The following SND1 variants were observed in gnomAD, a reference collection of about 807,000 sequenced individuals.
SND1 encodes the protein staphylococcal nuclease and tudor domain containing 1, also known as staphylococcal nuclease domain-containing protein 1.
In SND1, 38 loss-of-function variants were observed where a neutral mutation model predicts 121.7. That is an observed-to-expected ratio of 0.31 (90% CI 0.24 to 0.41). SND1 has a LOEUF of 0.41. Among genes scored for constraint, SND1 ranks in the 10% least tolerant of loss-of-function variants. The pLI is 1.00. For missense variants in SND1, 868 were observed against 1,184.6 expected (o/e 0.73, Z 3.92); for synonymous variants, 401 against 447.4 (o/e 0.90, Z 1.31).
rs1796126765 is a variant in SND1 at position 127,702,800 on chromosome 7, A to T, written c.681+274A>T. On this transcript the variant is annotated intron_variant, in intron 6 of 23. Transcript: ENST00000354725. ...AGAAATGGAACAATGAGAGGCTATG[A>T]AGTTTGCTGAATATGGCTTGCATTA... 2.6e-5 allele frequency among the ~76,000 whole-genome samples: 4 copies of T among 152,176 alleles called. No individual in the cohort carries two copies. The South Asian group carries it at 8.3e-4, about 32-fold the overall frequency.
chr7:127,760,513 G>A (rs1490342947), intron 10 of SND1, among the ~76,000 whole-genome samples: 1 of 152,220 alleles, frequency 6.6e-6, no homozygotes, highest in Non-Finnish European at 1.5e-5. Context: ...TAAGGGCAAA[G>A]TATTTTGTTT....
At chr7:127,922,838 T>C (rs1395909932) in intron 14 of SND1, among the ~76,000 whole-genome samples, 1 of 152,224 alleles carries the variant, frequency 6.6e-6, no homozygotes, top group Non-Finnish European at 1.5e-5. Flanking sequence ...CTCCTACAGA[T>C]GTCCAAATGT....
chr7:127,801,037 A>G (rs1324988096), intron 10 of SND1, among the ~76,000 whole-genome samples: 1 of 152,178 alleles, frequency 6.6e-6, no homozygotes, highest in Non-Finnish European at 1.5e-5. Context: ...TTGGGTGACT[A>G]TACCATATCC....
At chr7:127,764,337 T>A (rs1215627192) in intron 10 of SND1, among the ~76,000 whole-genome samples, 1 of 152,216 alleles carries the variant, frequency 6.6e-6, no homozygotes, top group African/African-American at 2.4e-5. Flanking sequence ...CTTCCACATC[T>A]CTTTTGGTTA....
intron 15 of SND1, among the ~76,000 whole-genome samples, chr7:127,953,551 C>T (rs1056086492): frequency 2.6e-5 from 4 of 152,220 alleles, no homozygotes; most frequent in East Asian, 3.9e-4. Context: ...TCTCTGTGTT[C>T]GTGGCTTTTA....
At chr7:127,957,690 ATTTG>A (rs1032648357) in intron 15 of SND1, among the ~76,000 whole-genome samples, 1 of 150,564 alleles carries the variant, frequency 6.6e-6, no homozygotes, top group African/African-American at 2.5e-5. Context: ...TATTTTATTT[ATTTG>A]TTTATGTATT....
chr7:128,010,356 C>A (rs1036376080), intron 16 of SND1, among the ~76,000 whole-genome samples: 7 of 152,348 alleles, frequency 4.6e-5, no homozygotes, highest in Admixed American at 3.9e-4. Flanking sequence ...GAGGCTTCAT[C>A]TTCCCCAATA....
At chr7:127,925,706 C>T (rs766070347) in intron 14 of SND1, among the ~76,000 whole-genome samples, 4 of 151,300 alleles carry the variant, frequency 2.6e-5, no homozygotes, top group Non-Finnish European at 5.9e-5. Flanking sequence ...CAGGTTCAAG[C>T]GATTCTCCTG....
chr7:127,767,285 G>A (rs149732557), intron 10 of SND1, among the ~76,000 whole-genome samples: 2 of 152,302 alleles, frequency 1.3e-5, no homozygotes, highest in African/African-American at 2.4e-5. Context: ...GGTTCACAGT[G>A]TGGTGAGATT....
Position 128,029,604 on chromosome 7 carries a change from G to T in SND1, c.1779+38548G>T, listed in dbSNP as rs142682142. 308 of 1,613,930 alleles carry T rather than the reference G, an allele frequency of 1.9e-4. No individual in the cohort carries two copies. The highest frequency in any genetic ancestry group is 1.3e-4 in the Non-Finnish European group (152 of 1,180,036). ...GAAGGGGGCAGAGCACTGGAAGGAG[G>T]CCTGGTCCACCTCCACGAGGTAGCG... On this transcript the variant is annotated intron_variant, in intron 16 of 23. Transcript: ENST00000354725. The surrounding 1 kb of genome is among the most constrained non-coding windows in gnomAD (Gnocchi z 4.2).
intron 1 of SND1, among the ~76,000 whole-genome samples, chr7:127,659,574 T>C (rs551982534): frequency 4.8e-4 from 73 of 152,328 alleles, no homozygotes; most frequent in African/African-American, 1.7e-3. Context: ...TTAGTTCTGT[T>C]TATGTGGCAA....
intron 11 of SND1, among the ~76,000 whole-genome samples, chr7:127,808,097 T>G (rs1798268509): frequency 6.6e-6 from 1 of 152,086 alleles, no homozygotes; most frequent in Admixed American, 6.6e-5. Flanking sequence ...GGAGTTTTTT[T>G]TTTCAGGAAG....
intron 10 of SND1, among the ~76,000 whole-genome samples, chr7:127,756,374 A>T (rs764265184): frequency 2.0e-5 from 3 of 152,220 alleles, no homozygotes; most frequent in African/African-American, 2.4e-5. Context: ...TTATCATCTA[A>T]GATAAACTGG....
chr7:128,030,673 G>A, intron 16 of SND1: 1 of 1,523,384 alleles, frequency 6.6e-7, no homozygotes, highest in Non-Finnish European at 8.8e-7. Context: ...CCATCGCCTG[G>A]GATTTTGGCT....
At chr7:127,718,388 C>T (rs759837372) in intron 9 of SND1, among the ~76,000 whole-genome samples, 5 of 152,098 alleles carry the variant, frequency 3.3e-5, no homozygotes, top group South Asian at 2.1e-4. Context: ...ATTTTATTGC[C>T]GATTCCATGT....
chr7:127,676,563 G>C (rs1176381573), intron 1 of SND1, among the ~76,000 whole-genome samples: 1 of 152,186 alleles, frequency 6.6e-6, no homozygotes, highest in African/African-American at 2.4e-5. Flanking sequence ...ACAAACTTAA[G>C]AGATGATACT....
intron 10 of SND1, among the ~76,000 whole-genome samples, chr7:127,774,368 A>C (rs140910674): frequency 6.6e-6 from 1 of 152,242 alleles, no homozygotes; most frequent in African/African-American, 2.4e-5. Flanking sequence ...AGATTAATCT[A>C]TTATTGAAGA....
chr7:128,066,325 C>G (rs1431818145), intron 16 of SND1, among the ~76,000 whole-genome samples: 1 of 152,238 alleles, frequency 6.6e-6, no homozygotes, highest in Non-Finnish European at 1.5e-5. Context: ...GCTGGTGTGC[C>G]AGCCCAGGCC....
At position 128,024,341 on chromosome 7, in the gene SND1, A is replaced by G. The variant is rs750018204; in HGVS notation, c.1779+33285A>G. Among the ~76,000 whole-genome samples the G allele has an allele frequency of 9.2e-5, 14 of 152,270 alleles. No individual in the cohort carries two copies. The South Asian group carries it at 2.9e-3, about 32-fold the overall frequency. ...CATTAGCCGATGGCATGGAGTGCTG[A>G]GTGCCAGCAGAGGAGATAAAATCAG... is the stretch of plus-strand genomic sequence containing the variant. On this transcript the variant is annotated intron_variant, in intron 16 of 23. Transcript: ENST00000354725.
Sources: allele counts gnomAD v4.1 joint callset (sites outside exome capture counted in the v4.1 genomes callset), GRCh38; gene constraint gnomAD v4.1.1; non-coding constraint Gnocchi (gnomAD v3.1); transcripts MANE v1.5; gene names NCBI Gene and HGNC (gene_info 2026-07-23, HGNC 2026-07-21).